Variants in MOB3B observed in about 807,000 individuals in gnomAD.
MOB3B encodes MOB kinase activator 3B, also known as MOB kinase activator-like 2B.
MOB3B carries 7 observed loss-of-function variants against 18.7 expected under a neutral mutation model. That is an observed-to-expected ratio of 0.37 (90% confidence interval 0.21 to 0.70). The LOEUF (loss-of-function observed/expected upper bound fraction) is 0.70, where lower values mean the gene tolerates loss of function less well. MOB3B is among the 30% of genes least tolerant of loss of function. The pLI, the probability that MOB3B is intolerant of heterozygous loss-of-function variation, is 0.52. For synonymous variants in MOB3B, 111 were observed against 99.9 expected (o/e 1.11, Z -0.66); for missense variants, 253 against 281.3 (o/e 0.90, Z 0.72).
At chr9:27,486,205 C>T (rs1383573449) in intron 1 of MOB3B, among the ~76,000 whole-genome samples, 1 of 152,162 alleles carries the variant, frequency 6.6e-6, no homozygotes, top group Non-Finnish European at 1.5e-5. Flanking sequence ...TGCACAGAGA[C>T]TAGAAGGATT....
intron 1 of MOB3B, among the ~76,000 whole-genome samples, chr9:27,456,546 G>C (rs540926298): frequency 6.6e-6 from 1 of 152,118 alleles, no homozygotes; most frequent in African/African-American, 2.4e-5. Flanking sequence ...TGCCTTTTGG[G>C]ATCCATTCAC....
chr9:27,333,730 C>T (rs1047815112), intron 3 of MOB3B, among the ~76,000 whole-genome samples: 4 of 152,176 alleles, frequency 2.6e-5, no homozygotes, highest in African/African-American at 9.7e-5. Flanking sequence ...GTTGTGGTCA[C>T]TCGGTTTCAT....
intron 2 of MOB3B, among the ~76,000 whole-genome samples, chr9:27,427,202 C>A (rs576147100): frequency 6.6e-6 from 1 of 152,254 alleles, no homozygotes; most frequent in South Asian, 2.1e-4. Context: ...TCCCACCCAC[C>A]AGAAGGCCAG....
At chr9:27,443,994 GC>G (rs1232564299) in intron 2 of MOB3B, among the ~76,000 whole-genome samples, 2 of 151,942 alleles carry the variant, frequency 1.3e-5, no homozygotes, top group Non-Finnish European at 2.9e-5. Context: ...TTCTCTCTGA[GC>G]CCCATCTAAG....
chr9:27,369,846 C>A (rs1382776892), intron 2 of MOB3B, among the ~76,000 whole-genome samples: 2 of 152,158 alleles, frequency 1.3e-5, no homozygotes, highest in African/African-American at 4.8e-5. Flanking sequence ...GAACGTCCTC[C>A]CTGGCCACCT....
At chr9:27,465,518 AAGACGAT>A (rs1819367901) in intron 1 of MOB3B, among the ~76,000 whole-genome samples, 1 of 152,144 alleles carries the variant, frequency 6.6e-6, no homozygotes, top group South Asian at 2.1e-4. Flanking sequence ...TGGGGTCTGG[AAGACGAT>A]GGCCCTCTTC....
chr9:27,382,021 G>A (rs908448240), intron 2 of MOB3B, among the ~76,000 whole-genome samples: 2 of 152,170 alleles, frequency 1.3e-5, no homozygotes, highest in Admixed American at 6.5e-5. Flanking sequence ...CTTGGAGTCA[G>A]AAAGCCTTGG....
intron 2 of MOB3B, among the ~76,000 whole-genome samples, chr9:27,372,867 G>T (rs1478987698): frequency 2.0e-5 from 3 of 152,230 alleles, no homozygotes; most frequent in African/African-American, 7.2e-5. Flanking sequence ...TTTAATAACA[G>T]TAGTGTTCAT....
chr9:27,428,511 T>G (rs1822370149), intron 2 of MOB3B, among the ~76,000 whole-genome samples: 1 of 152,232 alleles, frequency 6.6e-6, no homozygotes, highest in East Asian at 1.9e-4. Flanking sequence ...GAGATGAGTT[T>G]GTTCTGTGTG....
intron 1 of MOB3B, among the ~76,000 whole-genome samples, chr9:27,468,003 T>C (rs1819412212): frequency 6.6e-6 from 1 of 152,260 alleles, no homozygotes; most frequent in Non-Finnish European, 1.5e-5. Flanking sequence ...CATTGTTAAG[T>C]TGTGCAGAGT....
At chr9:27,371,116 T>C (rs1048924995) in intron 2 of MOB3B, among the ~76,000 whole-genome samples, 3 of 152,180 alleles carry the variant, frequency 2.0e-5, no homozygotes, top group Non-Finnish European at 4.4e-5. Flanking sequence ...GTCAAACAGG[T>C]AGTTTTCCAG....
chr9:27,512,423 G>A (rs1245007816), intron 1 of MOB3B, among the ~76,000 whole-genome samples: 1 of 152,028 alleles, frequency 6.6e-6, no homozygotes, highest in East Asian at 1.9e-4. Context: ...CTAAAACTAA[G>A]GTATCATTAT....
chr9:27,483,345 A>G (rs1049204191), intron 1 of MOB3B, among the ~76,000 whole-genome samples: 4 of 152,088 alleles, frequency 2.6e-5, no homozygotes, highest in East Asian at 1.9e-4. Flanking sequence ...TGTTAGCCAG[A>G]ATGATCTTGA....
chr9:27,444,226 A>AGGAAGGAAGGAAGGAAGGAAGGAGGGAG (rs1822648928), intron 2 of MOB3B, among the ~76,000 whole-genome samples: 2 of 105,358 alleles, frequency 1.9e-5, no homozygotes, highest in African/African-American at 8.0e-5. Flanking sequence ...AGAAAAAGAA[A>AGGAAGGAAGGAAGGAAGGAAGGAGGGAG]GGAGGGAGGG....
rs532287781 is a variant in MOB3B, at chr9:27,362,415, T to C, written c.419-3179A>G. On this transcript the variant is annotated intron_variant, in intron 2 of 3. Transcript: ENST00000262244. ...CAAATTTACTTTGTAGTGTTTTTATTAGTATCTGTACTGTGCTTGGCACTC... is the reference window on the plus strand; with the variant it reads ...CAAATTTACTTTGTAGTGTTTTTATCAGTATCTGTACTGTGCTTGGCACTC... Among the ~76,000 whole-genome samples, 196 of 152,324 alleles carry C rather than the reference T, an allele frequency of 1.3e-3. 1 individual carries two copies. Among genetic ancestry groups the C allele is most frequent in the African/African-American group, 4.6e-3 (193 of 41,560 alleles).
chr9:27,355,360 T>A (rs967742813), intron 3 of MOB3B, among the ~76,000 whole-genome samples: 1 of 152,126 alleles, frequency 6.6e-6, no homozygotes, highest in African/African-American at 2.4e-5. Context: ...AATGCCAATG[T>A]TCTAAGGGAA....
intron 2 of MOB3B, among the ~76,000 whole-genome samples, chr9:27,430,239 C>T (rs1002358220): frequency 1.8e-4 from 28 of 152,250 alleles, no homozygotes; most frequent in African/African-American, 6.7e-4. Context: ...GCAACCGAGC[C>T]CCAGGCTTTT....
At position 27,529,573 on chromosome 9, in the gene MOB3B, GC is replaced by G. The variant is rs1467078171; in HGVS notation, c.-218del. On this transcript the variant is annotated 5_prime_UTR_variant, in exon 1 of 4. Transcript: ENST00000262244. ...TACTCACCGTGGGGTTTTACCTCCA[GC>G]CCAGGGCCCGGTCGGCTCCCTTCGC... 2 of 985,568 alleles carry G rather than the reference GC, an allele frequency of 2.0e-6. No homozygotes were observed. Among genetic ancestry groups the G allele is most frequent in the Non-Finnish European group, 1.2e-6 (1 of 830,054 alleles). 61.1% of individuals were successfully genotyped at this position (985,568 alleles called of 1,614,324 possible). A position where few individuals can be genotyped will look rare whatever the true frequency, so the allele number is the denominator to read the frequency against.
intron 2 of MOB3B, among the ~76,000 whole-genome samples, chr9:27,433,369 A>G (rs1822445489): frequency 6.6e-6 from 1 of 152,200 alleles, no homozygotes; most frequent in Non-Finnish European, 1.5e-5. Context: ...CATCTTAAGC[A>G]GTAAGATGAT....
Sources: gnomAD v4.1 joint callset for allele counts (sites outside exome capture counted in the v4.1 genomes callset) on GRCh38, gnomAD v4.1.1 for gene constraint, MANE v1.5 for transcripts, NCBI Gene and HGNC (gene_info 2026-07-23, HGNC 2026-07-21) for gene names.